VSTM2L: variants seen among roughly 807,000 people sequenced by gnomAD.
The protein encoded by VSTM2L is V-set and transmembrane domain-containing protein 2-like protein.
VSTM2L carries 9 observed loss-of-function variants against 19.9 expected under a neutral mutation model. The observed-to-expected ratio is 0.45, with a 90% confidence interval of 0.27 to 0.79. VSTM2L has a LOEUF of 0.79. Ranked by LOEUF, VSTM2L falls within the 30% of genes least tolerant of loss-of-function variation. The probability of loss-of-function intolerance (pLI) is 0.15; values close to 1 mark genes in which losing one functional copy is unlikely to be tolerated. For missense variants in VSTM2L, 286 were observed against 295.5 expected (o/e 0.97, Z 0.24); for synonymous variants, 127 against 133.8 (o/e 0.95, Z 0.35).
intron 1 of VSTM2L, among the ~76,000 whole-genome samples, chr20:37,916,092 C>A (rs924278763): frequency 6.6e-6 from 1 of 152,214 alleles, no homozygotes; most frequent in Non-Finnish European, 1.5e-5. Flanking sequence ...TAGCCCCTCC[C>A]GGCAGCAGAG....
At chr20:37,924,725 C>G (rs1568838525) in intron 1 of VSTM2L, among the ~76,000 whole-genome samples, 1 of 152,100 alleles carries the variant, frequency 6.6e-6, no homozygotes, top group Non-Finnish European at 1.5e-5. Flanking sequence ...TGTGTATTTT[C>G]CAGTTTCTGG....
intron 1 of VSTM2L, among the ~76,000 whole-genome samples, chr20:37,917,088 C>A (rs539879979): frequency 3.9e-5 from 6 of 152,056 alleles, no homozygotes; most frequent in African/African-American, 1.4e-4. Flanking sequence ...CCAAGACGGG[C>A]GGATCACGAG....
At chr20:37,917,838 G>T (rs540372219) in intron 1 of VSTM2L, among the ~76,000 whole-genome samples, 1 of 152,242 alleles carries the variant, frequency 6.6e-6, no homozygotes, top group African/African-American at 2.4e-5. Flanking sequence ...TGCGGCCCAC[G>T]CAGGAGAGTA....
chr20:37,907,757 G>A (rs925099355), intron 1 of VSTM2L, among the ~76,000 whole-genome samples: 18 of 152,190 alleles, frequency 1.2e-4, no homozygotes, highest in Admixed American at 5.9e-4. Context: ...TGGCTTGGCC[G>A]GGGGCTTTGT....
At chr20:37,935,884 ATTT>A (rs11086387) in intron 3 of VSTM2L, among the ~76,000 whole-genome samples, 24 of 138,270 alleles carry the variant, frequency 1.7e-4, no homozygotes, top group East Asian at 6.3e-4. Flanking sequence ...CCATACACAG[ATTT>A]TTTTTTTTTT....
At chr20:37,931,367 G>T (rs966134721) in intron 1 of VSTM2L, among the ~76,000 whole-genome samples, 2 of 152,146 alleles carry the variant, frequency 1.3e-5, no homozygotes, top group Non-Finnish European at 2.9e-5. Context: ...CACAGCGCCC[G>T]GCTGCTGGTG....
intron 3 of VSTM2L, among the ~76,000 whole-genome samples, chr20:37,941,809 GTT>G (rs1240857630): frequency 6.9e-6 from 1 of 143,948 alleles, no homozygotes; most frequent in East Asian, 2.0e-4. Flanking sequence ...CTGCAGGAAG[GTT>G]TTTTTTTTTT....
rs756186469 is a variant in VSTM2L at position 37,944,098 on chromosome 20, C to A, written c.460C>A (p.His154Asn). ...VIDFSDGKAR[H>N]HKVKAYLRVQ... is the part of the protein sequence containing the mutation. ...CGACTTCAGCGACGGCAAGGCCCGG[C>A]ACCACAAGGTCAAGGCCTACCTGCG... is the stretch of plus-strand genomic sequence containing the variant. Residue 154 changes from histidine to asparagine, a missense_variant, in exon 4 of 4, where the codon CAC becomes AAC. Physicochemically the swap from His to Asn is moderately conservative, Grantham distance 68. Coordinates refer to ENST00000373461, the MANE Select transcript of VSTM2L (RefSeq NM_080607.3). 1.2e-6 allele frequency: 2 copies of A among 1,613,008 alleles called. No individual in the cohort carries two copies. The highest frequency in any genetic ancestry group is 3.3e-5 in the Admixed American group (2 of 59,968).
intron 3 of VSTM2L, among the ~76,000 whole-genome samples, chr20:37,939,006 T>G (rs1178091900): frequency 6.6e-6 from 1 of 152,126 alleles, no homozygotes; most frequent in Admixed American, 6.5e-5. Flanking sequence ...GTGGGTAAGG[T>G]GTGGCCTCTG....
At chr20:37,943,759 A>C (rs1294995451) in intron 3 of VSTM2L, among the ~76,000 whole-genome samples, 1 of 152,146 alleles carries the variant, frequency 6.6e-6, no homozygotes, top group Non-Finnish European at 1.5e-5. Flanking sequence ...TGCTTCATGC[A>C]GGGAACCGGC....
chr20:37,944,601 C>A lies in VSTM2L; in HGVS notation c.*348C>A. 9.3e-7 allele frequency: 1 copy of A among 1,074,498 alleles called. No individual in the cohort carries two copies. 66.6% of individuals were successfully genotyped at this position (1,074,498 alleles called of 1,614,324 possible). Reference sequence around the variant, plus strand: ...GTGTTTTGCTTTGCTTGCTTGTCCCCCATCCTGTCCTGAGCCGGGGCCCCC... The same window carrying A: ...GTGTTTTGCTTTGCTTGCTTGTCCCACATCCTGTCCTGAGCCGGGGCCCCC... On this transcript the variant is annotated 3_prime_UTR_variant, in exon 4 of 4. Transcript: ENST00000373461.
chr20:37,931,964 G>A (rs1207272818), intron 2 of VSTM2L, among the ~76,000 whole-genome samples, 160 bp downstream of exon 2: 1 of 152,222 alleles, frequency 6.6e-6, no homozygotes, highest in African/African-American at 2.4e-5. Flanking sequence ...TGGGGTGGGG[G>A]TTTTAGGTGA....
intron 3 of VSTM2L, among the ~76,000 whole-genome samples, chr20:37,939,885 C>T (rs548854398): frequency 7.2e-5 from 11 of 152,288 alleles, no homozygotes; most frequent in Admixed American, 2.0e-4. Flanking sequence ...GCTCCCTGCC[C>T]TCCTCCTCTC....
intron 1 of VSTM2L, among the ~76,000 whole-genome samples, chr20:37,930,962 G>T (rs6013472): frequency 0.52 from 78,279 of 151,946 alleles, 20,396 homozygotes; most frequent in Non-Finnish European, 0.56. Flanking sequence ...ACCTTTCGGG[G>T]GGTGACATTT....
intron 1 of VSTM2L, among the ~76,000 whole-genome samples, chr20:37,909,625 T>A (rs978141115): frequency 2.0e-5 from 3 of 152,210 alleles, no homozygotes; most frequent in African/African-American, 7.2e-5. Context: ...TGGAGCCCCC[T>A]CCTTATCCCT....
Position 37,931,683 on chromosome 20 carries a change from A to G in VSTM2L, c.170A>G (p.Asp57Gly), listed in dbSNP as rs755214743. Reference protein sequence around the residue: ...PHDMTARTGEDVEMACSFRGS... With the variant: ...PHDMTARTGEGVEMACSFRGS... ...GACATGACAGCACGGACGGGCGAGGACGTGGAGATGGCCTGCTCCTTCCGC... is the reference window on the plus strand; with the variant it reads ...GACATGACAGCACGGACGGGCGAGGGCGTGGAGATGGCCTGCTCCTTCCGC... The change falls in exon 2 of 4, where the codon GAC becomes GGC. Residue 57 changes from aspartate (D) to glycine (G), a missense_variant. By Grantham distance (94) the Asp-to-Gly change is moderately conservative. Transcript: ENST00000373461. 1.9e-6 allele frequency: 3 copies of G among 1,613,542 alleles called. No homozygotes were observed. Among genetic ancestry groups the G allele is most frequent in the Non-Finnish European group, 2.5e-6 (3 of 1,179,998 alleles).
chr20:37,937,730 TGA>T (rs1568843219), intron 3 of VSTM2L, among the ~76,000 whole-genome samples: 1 of 152,188 alleles, frequency 6.6e-6, no homozygotes, highest in Non-Finnish European at 1.5e-5. Flanking sequence ...CAGTCCACTG[TGA>T]GAGACGGGTG....
At chr20:37,941,561 C>G (rs2072972268) in intron 3 of VSTM2L, among the ~76,000 whole-genome samples, 1 of 152,176 alleles carries the variant, frequency 6.6e-6, no homozygotes, top group Non-Finnish European at 1.5e-5. Context: ...CATCCTGGCC[C>G]CCTCACTGCA....
chr20:37,915,573 C>G (rs1252297481), intron 1 of VSTM2L, among the ~76,000 whole-genome samples: 1 of 152,098 alleles, frequency 6.6e-6, no homozygotes, highest in Non-Finnish European at 1.5e-5. Flanking sequence ...GCTCACAGCA[C>G]CCATTTTACA....
Sources: allele counts gnomAD v4.1 joint callset (sites outside exome capture counted in the v4.1 genomes callset), GRCh38; gene constraint gnomAD v4.1.1; transcripts MANE v1.5; gene names NCBI Gene and HGNC (gene_info 2026-07-23, HGNC 2026-07-21).